FOXN3: variants seen among roughly 807,000 people sequenced by gnomAD.
The protein encoded by FOXN3 is forkhead box protein N3.
A neutral mutation model predicts 38.4 loss-of-function variants in FOXN3; 7 were observed. That is an observed-to-expected ratio of 0.18 (90% confidence interval 0.10 to 0.34). The LOEUF is 0.34. Ranked by LOEUF, FOXN3 falls within the 10% of genes least tolerant of loss-of-function variation. FOXN3 has a pLI of 1.00. For synonymous variants in FOXN3, 230 were observed against 242.2 expected, an observed-to-expected ratio of 0.95 and a Z score of 0.47; for missense variants, 456 against 613.4, an observed-to-expected ratio of 0.74 and a Z score of 2.71.
At position 89,399,405 on chromosome 14, in the gene FOXN3, C is replaced by T. The variant is rs183939624; in HGVS notation, c.543+12529G>A. 1.5e-3 allele frequency among the ~76,000 whole-genome samples: 227 copies of T among 152,236 alleles called. 1 individual carries two copies. The highest frequency in any genetic ancestry group is 4.7e-4 in the Non-Finnish European group (32 of 68,018). On this transcript the variant is annotated intron_variant, in intron 2 of 5. Coordinates refer to ENST00000557258, the MANE Select transcript of FOXN3 (RefSeq NM_005197.4). Reference sequence around the variant, plus strand: ...AGGCAGAGATGAGTGTCCACGTGGCCGCAGAGGAACAGAGGAGGCACTTCC... The same window carrying T: ...AGGCAGAGATGAGTGTCCACGTGGCTGCAGAGGAACAGAGGAGGCACTTCC...
chr14:89,382,222 G>T (rs753033232), intron 2 of FOXN3, among the ~76,000 whole-genome samples: 1 of 152,054 alleles, frequency 6.6e-6, no homozygotes, highest in Non-Finnish European at 1.5e-5. Flanking sequence ...AGTAGGTCTG[G>T]TGTCACCAAG....
intron 4 of FOXN3, among the ~76,000 whole-genome samples, chr14:89,201,793 G>A (rs1888242682): frequency 6.6e-6 from 1 of 152,158 alleles, no homozygotes; most frequent in Admixed American, 6.5e-5. Context: ...GATAGCTCCT[G>A]CCCAGTTCCC....
intron 2 of FOXN3, among the ~76,000 whole-genome samples, chr14:89,386,345 T>A (rs748511028): frequency 3.0e-4 from 46 of 152,042 alleles, no homozygotes; most frequent in Non-Finnish European, 5.3e-4. Flanking sequence ...AGCACTGGAG[T>A]CAGGGACACA....
intron 1 of FOXN3, among the ~76,000 whole-genome samples, chr14:89,475,584 G>A (rs983718728): frequency 6.6e-6 from 1 of 152,170 alleles, no homozygotes; most frequent in African/African-American, 2.4e-5. Flanking sequence ...GAGCCCCGGA[G>A]TTTAAGGCTG....
intron 2 of FOXN3, among the ~76,000 whole-genome samples, chr14:89,387,690 G>T (rs563479500): frequency 6.6e-6 from 1 of 152,356 alleles, no homozygotes; most frequent in East Asian, 1.9e-4. Context: ...AAGATCAGGA[G>T]TAGATTCCAT....
intron 1 of FOXN3, among the ~76,000 whole-genome samples, chr14:89,532,267 C>T (rs1027746034): frequency 2.6e-5 from 4 of 152,156 alleles, no homozygotes; most frequent in African/African-American, 9.7e-5. Context: ...CAGGAAGAAG[C>T]GTAGTTATGG....
intron 1 of FOXN3, among the ~76,000 whole-genome samples, chr14:89,500,076 C>T (rs900275765): frequency 2.0e-5 from 3 of 152,130 alleles, no homozygotes; most frequent in African/African-American, 7.2e-5. Context: ...TGGTCTCGAA[C>T]TCCTGACCTC....
chr14:89,163,600 T>C lies in FOXN3; in HGVS notation c.852-631A>G, dbSNP rs538714009. 1.3e-5 allele frequency among the ~76,000 whole-genome samples: 2 copies of C among 152,282 alleles called. No homozygotes were observed. The highest frequency in any genetic ancestry group is 1.9e-4 in the East Asian group (1 of 5,182). On this transcript the variant is annotated intron_variant, in intron 5 of 5. Coordinates refer to ENST00000557258, the MANE Select transcript of FOXN3 (RefSeq NM_005197.4). This position sits in a 1 kb window ranked among gnomAD's most constrained non-coding sequence, Gnocchi z 4.3. ...GGATATAGACACTGCCACAGCGATG[T>C]TGCAGCCTAACAGAGAGGCAAGCCA...
intron 3 of FOXN3, among the ~76,000 whole-genome samples, chr14:89,318,184 G>A (rs1375799522): frequency 1.5e-5 from 2 of 137,608 alleles, no homozygotes; most frequent in Non-Finnish European, 3.1e-5. Flanking sequence ...TTGAGGCGGA[G>A]TTTCACTCAT....
rs546741105 is a variant in FOXN3, at chr14:89,342,170, G to A, written c.680+8502C>T. Among the ~76,000 whole-genome samples, 19 of 152,258 alleles carry A rather than the reference G, an allele frequency of 1.2e-4. No individual in the cohort carries two copies. The South Asian group carries it at 2.1e-3, about 17-fold the overall frequency. ...AGGTCAGAAGATAAAAAGGTAACTC[G>A]GAGTGGTTCTCTCAGTCACGAGTTT... On this transcript the variant is annotated intron_variant, in intron 3 of 5. Coordinates refer to ENST00000557258, the MANE Select transcript of FOXN3 (RefSeq NM_005197.4).
chr14:89,584,790 G>A (rs2139916315), intron 1 of FOXN3, among the ~76,000 whole-genome samples: 1 of 152,040 alleles, frequency 6.6e-6, no homozygotes, highest in East Asian at 1.9e-4. Context: ...TTGGCTCACT[G>A]CAAACTCTGC....
At position 89,548,740 on chromosome 14, in the gene FOXN3, C is replaced by G. The variant is rs576703481; in HGVS notation, c.-15+70288G>C. Among the ~76,000 whole-genome samples, 9 of 152,190 alleles carry G rather than the reference C, an allele frequency of 5.9e-5. No homozygotes were observed. Among genetic ancestry groups the G allele is most frequent in the African/African-American group, 1.9e-4 (8 of 41,510 alleles). ...ATTACAAGATCTAGGTAGCCTAACA[C>G]AATTGTTTTCAAATACCTGCTCACA... On this transcript the variant is annotated intron_variant, in intron 1 of 6. Coordinates refer to the FOXN3 transcript ENST00000345097. This position sits in a 1 kb window ranked among gnomAD's most constrained non-coding sequence, Gnocchi z 4.8.
At chr14:89,171,420 T>C (rs915357573) in intron 5 of FOXN3, among the ~76,000 whole-genome samples, 2 of 152,156 alleles carry the variant, frequency 1.3e-5, no homozygotes, top group African/African-American at 4.8e-5. Flanking sequence ...TCAACTCCTT[T>C]TCTGAGGCTA....
chr14:89,534,537 G>A (rs1384721585), intron 1 of FOXN3, among the ~76,000 whole-genome samples: 1 of 152,132 alleles, frequency 6.6e-6, no homozygotes, highest in Non-Finnish European at 1.5e-5. Flanking sequence ...ACGTCTGCCG[G>A]TGCATGCAAT....
intron 1 of FOXN3, among the ~76,000 whole-genome samples, chr14:89,519,388 G>GA (rs1242501038): frequency 9.9e-5 from 15 of 152,154 alleles, no homozygotes; most frequent in Admixed American, 9.8e-4. Flanking sequence ...AAAGGGTTGT[G>GA]AAAAAGAGTG....
At chr14:89,564,180 A>C (rs571881445) in intron 1 of FOXN3, among the ~76,000 whole-genome samples, 1 of 152,234 alleles carries the variant, frequency 6.6e-6, no homozygotes, top group South Asian at 2.1e-4. Flanking sequence ...AAGTGAGGGG[A>C]TAGTGAAAAA....
intron 1 of FOXN3, among the ~76,000 whole-genome samples, chr14:89,609,889 G>A (rs926848984): frequency 1.3e-5 from 2 of 152,048 alleles, no homozygotes; most frequent in East Asian, 1.9e-4. Context: ...GATGTAAAAC[G>A]AGGGCGGGGG....
At chr14:89,585,121 T>C (rs1895817531) in intron 1 of FOXN3, among the ~76,000 whole-genome samples, 2 of 152,190 alleles carry the variant, frequency 1.3e-5, no homozygotes, top group Non-Finnish European at 2.9e-5. Flanking sequence ...TCAAACGCAA[T>C]GTATAAGCCC....
At chr14:89,441,922 C>CTTTTTTTT (rs35118856) in intron 1 of FOXN3, among the ~76,000 whole-genome samples, 8 of 75,414 alleles carry the variant, frequency 1.1e-4, no homozygotes, top group African/African-American at 3.9e-4. Context: ...AACCGGCTGA[C>CTTTTTTTT]TTTTTTTTTT....
Sources: allele counts gnomAD v4.1 joint callset (sites outside exome capture counted in the v4.1 genomes callset), GRCh38; gene constraint gnomAD v4.1.1; non-coding constraint Gnocchi (gnomAD v3.1); transcripts MANE v1.5; gene names NCBI Gene and HGNC (gene_info 2026-07-23, HGNC 2026-07-21).